The following SRRM1 variants were observed in gnomAD, a reference collection of about 807,000 sequenced individuals.
The protein encoded by SRRM1 is serine/arginine repetitive matrix protein 1.
Under a neutral mutation model 110.2 loss-of-function variants are expected in SRRM1, and 19 were observed. The observed-to-expected ratio is 0.17, with a 90% CI of 0.12 to 0.25. The LOEUF is 0.25. Ranked by LOEUF, SRRM1 falls within the 10% of genes least tolerant of loss-of-function variation. The probability of loss-of-function intolerance (pLI) is 1.00; values close to 1 mark genes in which losing one functional copy is unlikely to be tolerated. For missense variants in SRRM1, 918 were observed against 1,145.8 expected (o/e 0.80, Z 2.87); for synonymous variants, 443 against 414.9 (o/e 1.07, Z -0.82).
rs532766300 is a variant in SRRM1, at chr1:24,669,241, C to G, written c.1858C>G (p.Pro620Ala). The change falls in exon 14 of 17, where the codon CCT (proline) becomes GCT (alanine). Residue 620 changes from proline (P) to alanine (A), a missense_variant. By Grantham distance (27) the Pro-to-Ala change is conservative (BLOSUM62 -1). Transcript: ENST00000323848. ...GAGAAGAACGGCTTCACCTCCTCCCCCTCCTAAACGAAGAGCATCACCATC... is the reference window on the plus strand; with the variant it reads ...GAGAAGAACGGCTTCACCTCCTCCCGCTCCTAAACGAAGAGCATCACCATC... ...PKRRTASPPP[P>A]PKRRASPSPP... 9 of 1,614,166 alleles carry G rather than the reference C, an allele frequency of 5.6e-6. No individual in the cohort carries two copies. The highest frequency in any genetic ancestry group is 7.6e-6 in the Non-Finnish European group (9 of 1,180,036).
At chr1:24,661,702 T>C (rs1667296632) in intron 11 of SRRM1, among the ~76,000 whole-genome samples, 1 of 152,170 alleles carries the variant, frequency 6.6e-6, no homozygotes, top group African/African-American at 2.4e-5. Flanking sequence ...TCTGTGCATA[T>C]AGAAAAAGGA....
chr1:24,646,932 CTA>C (rs1191592515), intron 3 of SRRM1, 143 bp downstream of exon 3: 16 of 633,292 alleles, frequency 2.5e-5, no homozygotes, highest in Non-Finnish European at 4.0e-5. Flanking sequence ...TTGTAAACAA[CTA>C]TTAAGGCTGG....
intron 9 of SRRM1, among the ~76,000 whole-genome samples, chr1:24,655,864 C>T (rs1269672089): frequency 1.3e-5 from 2 of 152,134 alleles, no homozygotes; most frequent in Non-Finnish European, 2.9e-5. Context: ...TGGGGAGGAT[C>T]TTAAAAGCTG....
At chr1:24,665,495 C>T (rs58079366) in intron 12 of SRRM1, among the ~76,000 whole-genome samples, 4,735 of 151,268 alleles carry the variant, frequency 0.031, 235 homozygotes, top group African/African-American at 0.11. Flanking sequence ...GGGTGGTTCA[C>T]GAGGTCAGGA....
rs1372808427 is a variant in SRRM1 at position 24,653,037 on chromosome 1, G to T, written c.1040+5G>T. The T allele has an allele frequency of 6.2e-7, 1 of 1,608,714 alleles. No homozygotes were observed. The highest frequency in any genetic ancestry group is 1.1e-5 in the South Asian group (1 of 90,104). On this transcript the variant is annotated splice_donor_5th_base_variant and intron_variant, in intron 8 of 16. Transcript: ENST00000323848. ...GAGTAGATCTCCAGTAAGACGGTAA[G>T]ATTTTTTAAATTTGGAAGTGTCAAG... is the stretch of plus-strand genomic sequence containing the variant.
chr1:24,660,639 T>A lies in SRRM1; in HGVS notation c.1316-80T>A, dbSNP rs12093230. On this transcript the variant is annotated intron_variant, in intron 9 of 16. Transcript: ENST00000323848. ...ATCTTTATTTAAAAATAATAATAAA[T>A]TTTTAAAAATTAAAAGAAAAGCATC... is the stretch of plus-strand genomic sequence containing the variant. 1,749 of 642,680 alleles carry A rather than the reference T, an allele frequency of 2.7e-3. 15 individuals carry two copies. In the African/African-American group the frequency reaches 0.029, roughly 11 times the overall value. The allele number at this position is 642,680 out of a possible 1,614,324, so 39.8% of individuals were successfully genotyped here. A position where few individuals can be genotyped will look rare whatever the true frequency, so the allele number is the denominator to read the frequency against.
chr1:24,645,486 A>C (rs1435452961), intron 1 of SRRM1, among the ~76,000 whole-genome samples: 2 of 152,142 alleles, frequency 1.3e-5, no homozygotes, highest in Non-Finnish European at 2.9e-5. Flanking sequence ...TGTCTTCTTC[A>C]CTCATTCCAA....
intron 8 of SRRM1, among the ~76,000 whole-genome samples, chr1:24,653,398 T>C (rs1662177829): frequency 6.6e-6 from 1 of 152,208 alleles, no homozygotes; most frequent in Non-Finnish European, 1.5e-5. Context: ...TTACCAGTAT[T>C]AAAGTAATTC....
intron 9 of SRRM1, among the ~76,000 whole-genome samples, chr1:24,659,307 G>A (rs913861951): frequency 3.3e-5 from 5 of 152,096 alleles, no homozygotes; most frequent in African/African-American, 1.2e-4. Context: ...TAGATCACTG[G>A]TTCTCTAATT....
intron 9 of SRRM1, among the ~76,000 whole-genome samples, chr1:24,655,548 G>T (rs961084731): frequency 6.6e-6 from 1 of 151,978 alleles, no homozygotes; most frequent in Non-Finnish European, 1.5e-5. Flanking sequence ...GTCGCATTGC[G>T]CTCCCAAGCA....
chr1:24,664,193 G>A (rs535343302), intron 12 of SRRM1, among the ~76,000 whole-genome samples: 7 of 151,840 alleles, frequency 4.6e-5, no homozygotes, highest in Non-Finnish European at 7.4e-5. Flanking sequence ...AAGGGATTTC[G>A]CCATGTTGGC....
At chr1:24,661,195 A>G in intron 10 of SRRM1, 115 bp from the exon 11 acceptor site, 1 of 645,760 alleles carries the variant, frequency 1.5e-6, no homozygotes, top group African/African-American at 1.8e-5. Context: ...AATATATAGT[A>G]GTTGTATTTT....
rs973518559 is a variant in SRRM1, at chr1:24,663,987, C to CTT, written c.1628+1205_1628+1206dup. 4.1e-4 allele frequency among the ~76,000 whole-genome samples: 49 copies of CTT among 119,754 alleles called. 1 individual carries two copies. The highest frequency in any genetic ancestry group is 1.2e-3 in the African/African-American group (35 of 29,894). 78.6% of individuals were successfully genotyped at this position (119,754 alleles called of 152,430 possible). On this transcript the variant is annotated intron_variant, in intron 12 of 16. Coordinates refer to ENST00000323848, the MANE Select transcript of SRRM1 (RefSeq NM_005839.4). ...CTAGAAAGGTGGGTTGCATAGCTCT[C>CTT]TTTTTTTTTTTTTTTTTTTTTTTGT...
At chr1:24,656,668 T>C (rs1338626076) in intron 9 of SRRM1, among the ~76,000 whole-genome samples, 1 of 152,180 alleles carries the variant, frequency 6.6e-6, no homozygotes, top group Non-Finnish European at 1.5e-5. Context: ...CACAAAGCTC[T>C]CCAGGGAAAA....
intron 1 of SRRM1, among the ~76,000 whole-genome samples, chr1:24,644,856 A>C (rs1656419168): frequency 6.6e-6 from 1 of 152,242 alleles, no homozygotes; most frequent in Non-Finnish European, 1.5e-5. Context: ...AATAAATAAA[A>C]GAGTAAGGTG....
At position 24,652,494 on chromosome 1, in the gene SRRM1, A is replaced by G; in HGVS notation, c.786A>G (p.Glu262=). 6.2e-7 allele frequency: 1 copy of G among 1,613,014 alleles called. No individual in the cohort carries two copies. Among genetic ancestry groups the G allele is most frequent in the Non-Finnish European group, 8.5e-7 (1 of 1,179,702 alleles). The change falls in exon 7 of 17, where the codon GAA becomes GAG. Residue 262 remains glutamate (E), a synonymous_variant. Transcript: ENST00000323848. ...CAGAGCCTAAAGAACCTTCTCCGGA[A>G]AAAAATTCCAAAAAAGAAAAGGAGA... ...PIPEPKEPSP[E]KNSKKEKEKE...
chr1:24,658,205 T>TA (rs920621497), intron 9 of SRRM1, among the ~76,000 whole-genome samples: 1 of 149,022 alleles, frequency 6.7e-6, no homozygotes, highest in Non-Finnish European at 1.5e-5. Flanking sequence ...TTTGATGGTA[T>TA]AAATTTTTTT....
intron 11 of SRRM1, among the ~76,000 whole-genome samples, chr1:24,661,698 C>T (rs979716181): frequency 2.6e-5 from 4 of 152,044 alleles, no homozygotes; most frequent in African/African-American, 9.7e-5. Flanking sequence ...ATTTTCTGTG[C>T]ATATAGAAAA....
Position 24,669,512 on chromosome 1 carries a change from G to C in SRRM1, c.2129G>C (p.Arg710Thr), listed in dbSNP as rs1222547876. ...VRRGASSSPQ[R>T]RQSPSPSTRP... The stretch of plus-strand genomic sequence containing the variant: ...AGAGGAGCGTCGTCATCACCCCAAA[G>C]AAGGCAGTCCCCGTCTCCAAGTACT... Residue 710 changes from arginine to threonine, a missense_variant, in exon 14 of 17, where the codon AGA becomes ACA. Coordinates refer to ENST00000323848, the MANE Select transcript of SRRM1 (RefSeq NM_005839.4). 6.2e-7 allele frequency: 1 copy of C among 1,611,204 alleles called. No individual in the cohort carries two copies. The highest frequency in any genetic ancestry group is 1.7e-4 in the Middle Eastern group (1 of 6,060).
Sources: allele counts gnomAD v4.1 joint callset (sites outside exome capture counted in the v4.1 genomes callset), GRCh38; gene constraint gnomAD v4.1.1; transcripts MANE v1.5; gene names NCBI Gene and HGNC (gene_info 2026-07-23, HGNC 2026-07-21).